Variants in PARVG observed in about 807,000 individuals in gnomAD.
The protein encoded by PARVG is gamma-parvin.
In PARVG, 36 loss-of-function variants were observed where a neutral mutation model predicts 44.4. The ratio of observed to expected loss-of-function variants is 0.81; its 90% confidence interval spans 0.62 to 1.07. The LOEUF (loss-of-function observed/expected upper bound fraction) is 1.07. Among genes scored for constraint, PARVG ranks in the 50% least tolerant of loss-of-function variants. PARVG has a pLI of 0.00. For synonymous variants in PARVG, 170 were observed against 174.1 expected (o/e 0.98, Z 0.19); for missense variants, 407 against 407.4 (o/e 1.00, Z 0.01).
intron 12 of PARVG, among the ~76,000 whole-genome samples, chr22:44,205,247 G>A (rs1328194422): frequency 6.6e-6 from 1 of 152,210 alleles, no homozygotes; most frequent in Admixed American, 6.5e-5. Flanking sequence ...TGTCTCGTGA[G>A]CTCCAGTGAG....
chr22:44,194,692 A>C (rs1406641254), intron 9 of PARVG, among the ~76,000 whole-genome samples: 1 of 148,952 alleles, frequency 6.7e-6, no homozygotes, highest in Non-Finnish European at 1.5e-5. Flanking sequence ...CCATCCATCC[A>C]CCCACCCACC....
In PARVG at chr22:44,206,253, A is replaced by G. The variant is rs866478574; in HGVS notation, c.887-64A>G. The stretch of plus-strand genomic sequence containing the variant: ...CTGAATGCCAGGAAACCTTGACCAC[A>G]TCGGGACAGTCGGTCACTGCCACCC... On this transcript the variant is annotated intron_variant, in intron 13 of 13. Coordinates refer to ENST00000444313, the MANE Select transcript of PARVG (RefSeq NM_022141.7). 1.6e-5 allele frequency: 19 copies of G among 1,202,662 alleles called. No homozygotes were observed. In the Middle Eastern group the frequency reaches 2.7e-3, roughly 168 times the overall value. 74.5% of individuals were successfully genotyped at this position (1,202,662 alleles called of 1,614,324 possible).
intron 11 of PARVG, 39 bp downstream of exon 11, chr22:44,196,454 C>T: frequency 6.2e-7 from 1 of 1,608,652 alleles, no homozygotes; most frequent in Non-Finnish European, 8.5e-7. Flanking sequence ...CAGGGCAGGG[C>T]CACTGGCCGT....
intron 6 of PARVG, among the ~76,000 whole-genome samples, chr22:44,189,866 C>G (rs2054524669): frequency 1.3e-5 from 2 of 152,086 alleles, no homozygotes. Flanking sequence ...GCAGTGAGCC[C>G]AGATTGCACC....
In PARVG at chr22:44,185,812, AAAG is replaced by A. The variant is rs760436487; in HGVS notation, c.90_92del (p.Lys31del). On this transcript the variant is annotated inframe_deletion, in exon 4 of 14. Transcript: ENST00000444313. ...TCATACCCACTCTGCTTCCAGGAGG[AAAG>A]AAGAAATACCTGCCACCCACTTCCC... 1.2e-6 allele frequency: 2 copies of A among 1,613,200 alleles called. No individual in the cohort carries two copies. Among genetic ancestry groups the A allele is most frequent in the South Asian group, 1.1e-5 (1 of 91,050 alleles).
At chr22:44,201,276 C>T (rs889102579) in intron 12 of PARVG, among the ~76,000 whole-genome samples, 1 of 152,194 alleles carries the variant, frequency 6.6e-6, no homozygotes, top group African/African-American at 2.4e-5. Flanking sequence ...TCTCCCCACT[C>T]ACCCTCCCTC....
In PARVG at chr22:44,183,372, G is replaced by A; in HGVS notation, c.43G>A (p.Gly15Arg). Residue 15 changes from glycine (G) to arginine (R), a missense_variant, in exon 3 of 14, where the codon GGG (glycine) becomes AGG (arginine). Gly to Arg is a moderately radical substitution (Grantham distance 125). Coordinates refer to ENST00000444313, the MANE Select transcript of PARVG (RefSeq NM_022141.7). Reference protein sequence around the residue: ...FLYDLLQLPKGVEPPAEEELS... With the variant: ...FLYDLLQLPKRVEPPAEEELS... ...GTACGACCTGCTGCAGCTCCCCAAG[G>A]GGGTGGAGCCCCCAGCGGAGGAGGA... is the stretch of plus-strand genomic sequence containing the variant. 6.2e-7 allele frequency: 1 copy of A among 1,610,022 alleles called. No individual in the cohort carries two copies. The highest frequency in any genetic ancestry group is 8.5e-7 in the Non-Finnish European group (1 of 1,178,838).
At chr22:44,178,053 C>CT (rs973925827), upstream of PARVG, among the ~76,000 whole-genome samples, 3 of 152,156 alleles carry the variant, frequency 2.0e-5, no homozygotes, top group Non-Finnish European at 4.4e-5. Context: ...TTGGACATGC[C>CT]TTTGCTCCCC....
rs557926307 is a variant in PARVG at position 44,187,728 on chromosome 22, G to A, written c.145-48G>A. The A allele has an allele frequency of 4.0e-5, 63 of 1,582,796 alleles. 1 individual carries two copies. The Admixed American group carries it at 7.8e-4, about 20-fold the overall frequency. On this transcript the variant is annotated intron_variant, in intron 4 of 13. Transcript: ENST00000444313. ...GCATTCTGAGCCAGGTGGAGGGCCAGGTGAGAAGTCTCCATCCCCCCAAAA... is the reference window on the plus strand; with the variant it reads ...GCATTCTGAGCCAGGTGGAGGGCCAAGTGAGAAGTCTCCATCCCCCCAAAA...
intron 12 of PARVG, among the ~76,000 whole-genome samples, chr22:44,201,410 G>A (rs796623541): frequency 5.9e-5 from 9 of 152,160 alleles, no homozygotes; most frequent in African/African-American, 2.2e-4. Context: ...ACAGCCTGCC[G>A]CCCGCAGCCT....
At chr22:44,183,013 T>A (rs1341403069) in intron 2 of PARVG, 4 of 395,342 alleles carry the variant, frequency 1.0e-5, no homozygotes, top group Non-Finnish European at 1.8e-5. Flanking sequence ...GGCTGGGGGC[T>A]GCAGGAGCAC....
chr22:44,191,247 G>C (rs2054544046), intron 7 of PARVG, among the ~76,000 whole-genome samples: 1 of 152,148 alleles, frequency 6.6e-6, no homozygotes, highest in South Asian at 2.1e-4. Context: ...GGCCCCACCA[G>C]CTCTTTGCTT....
chr22:44,204,371 A>T (rs1363492495), intron 12 of PARVG, among the ~76,000 whole-genome samples: 1 of 152,240 alleles, frequency 6.6e-6, no homozygotes, highest in Non-Finnish European at 1.5e-5. Context: ...CGCACATGGC[A>T]GCCTTGGAGA....
At chr22:44,202,929 C>T (rs747751812) in intron 12 of PARVG, among the ~76,000 whole-genome samples, 3 of 152,194 alleles carry the variant, frequency 2.0e-5, no homozygotes, top group Non-Finnish European at 1.5e-5. Context: ...TTACTTTCCC[C>T]AGGAGGATTT....
chr22:44,174,208 G>A (rs1173619103), intron 1 of PARVG, among the ~76,000 whole-genome samples: 2 of 151,896 alleles, frequency 1.3e-5, no homozygotes, highest in Non-Finnish European at 2.9e-5. Context: ...TGCGGGTGGG[G>A]CAGGGGAGTG....
At chr22:44,191,976 C>A in intron 7 of PARVG, 73 bp from the exon 8 acceptor site, 1 of 1,523,166 alleles carries the variant, frequency 6.6e-7, no homozygotes, top group Non-Finnish European at 9.1e-7. Flanking sequence ...ACAGAGCAAA[C>A]GGATCACTGG....
intron 6 of PARVG, 122 bp from the exon 7 acceptor site, chr22:44,190,429 C>T (rs2054531820): frequency 1.4e-6 from 1 of 712,812 alleles, no homozygotes; most frequent in Non-Finnish European, 2.5e-6. Flanking sequence ...CTCTGCTCTC[C>T]AGAAGGCTGG....
At chr22:44,179,577 T>C (rs1363611566), upstream of PARVG, among the ~76,000 whole-genome samples, 1 of 152,220 alleles carries the variant, frequency 6.6e-6, no homozygotes, top group East Asian at 1.9e-4. The surrounding 1 kb of genome is among the most constrained non-coding windows in gnomAD (Gnocchi z 4.2). Context: ...AGGTACTTCG[T>C]TCTGAGTGAT....
At chr22:44,195,778 C>T (rs1220829917) in intron 9 of PARVG, among the ~76,000 whole-genome samples, 2 of 152,140 alleles carry the variant, frequency 1.3e-5, no homozygotes, top group Non-Finnish European at 2.9e-5. Flanking sequence ...GGAGGGAGTG[C>T]CAGCTGGCAG....
Sources: gnomAD v4.1 joint callset for allele counts (sites outside exome capture counted in the v4.1 genomes callset) on GRCh38, gnomAD v4.1.1 for gene constraint, Gnocchi (gnomAD v3.1) non-coding constraint, MANE v1.5 for transcripts, NCBI Gene and HGNC (gene_info 2026-07-23, HGNC 2026-07-21) for gene names.